The following ACYP2 variants were observed in gnomAD, a reference collection of about 807,000 sequenced individuals.
The protein encoded by ACYP2 is acylphosphatase 2.
A neutral mutation model predicts 11.2 loss-of-function variants in ACYP2; 12 were observed. The observed-to-expected ratio is 1.08, with a 90% CI of 0.69 to 1.74. ACYP2 has a LOEUF of 1.74. Ranked by LOEUF, ACYP2 falls within the 40% of genes most tolerant of loss-of-function variation. The pLI, the probability that ACYP2 is intolerant of heterozygous loss-of-function variation, is 0.00. For missense variants in ACYP2, 134 were observed against 101.9 expected, an observed-to-expected ratio of 1.31 and a Z score of -1.35; for synonymous variants, 43 against 32.2, an observed-to-expected ratio of 1.33 and a Z score of -1.13.
intron 6 of ACYP2, among the ~76,000 whole-genome samples, chr2:54,292,518 C>A (rs1056998802): frequency 4.6e-5 from 7 of 152,016 alleles, no homozygotes; most frequent in African/African-American, 1.4e-4. Flanking sequence ...ACTATTTTTA[C>A]TTCTTAAAAT....
intron 6 of ACYP2, among the ~76,000 whole-genome samples, chr2:54,275,602 A>T (rs1387109346): frequency 6.6e-6 from 1 of 152,156 alleles, no homozygotes; most frequent in African/African-American, 2.4e-5. Flanking sequence ...TCTCCTAGGG[A>T]TGTGCTTCCC....
chr2:54,200,821 G>T (rs1294477476), intron 6 of ACYP2, among the ~76,000 whole-genome samples: 1 of 152,130 alleles, frequency 6.6e-6, no homozygotes, highest in African/African-American at 2.4e-5. Flanking sequence ...ACTTTTTGAG[G>T]AACTGCCAGG....
intron 4 of ACYP2, among the ~76,000 whole-genome samples, chr2:54,095,884 T>TC (rs577222605): frequency 0.99 from 765 of 770 alleles, 381 homozygotes; most frequent in East Asian, 1. Flanking sequence ...GCCCCTCACC[T>TC]CCGGACGGGG....
chr2:54,020,813 A>G (rs142400305), intron 2 of ACYP2, among the ~76,000 whole-genome samples: 2 of 152,356 alleles, frequency 1.3e-5, no homozygotes, highest in East Asian at 3.9e-4. Flanking sequence ...AGTTTTTTGA[A>G]TAGCATCTAT....
chr2:54,039,047 G>A (rs1466002014), intron 2 of ACYP2, among the ~76,000 whole-genome samples: 1 of 151,954 alleles, frequency 6.6e-6, no homozygotes, highest in Non-Finnish European at 1.5e-5. Flanking sequence ...GTCCTGAGGT[G>A]TCTGGAATGT....
intron 6 of ACYP2, chr2:54,255,745 C>T (rs1170837879): frequency 3.7e-6 from 6 of 1,613,880 alleles, no homozygotes; most frequent in Non-Finnish European, 5.1e-6. Context: ...AGACTCCGAC[C>T]TCCCTGCCCC....
intron 6 of ACYP2, among the ~76,000 whole-genome samples, chr2:54,231,992 G>C (rs916457156): frequency 6.6e-6 from 1 of 152,168 alleles, no homozygotes; most frequent in South Asian, 2.1e-4. Flanking sequence ...TTTAGACTAT[G>C]TATTCTTTTG....
chr2:54,060,717 G>T (rs939315719), intron 4 of ACYP2, among the ~76,000 whole-genome samples: 5 of 152,180 alleles, frequency 3.3e-5, no homozygotes, highest in Non-Finnish European at 7.4e-5. Flanking sequence ...ATGAAATGCT[G>T]CTTTTTATGC....
intron 6 of ACYP2, among the ~76,000 whole-genome samples, chr2:54,192,512 G>A (rs535795187): frequency 9.2e-5 from 14 of 152,224 alleles, no homozygotes; most frequent in African/African-American, 3.4e-4. Flanking sequence ...AACATATCCA[G>A]TTTTATTGAT....
chr2:54,271,558 G>A (rs943172056), intron 6 of ACYP2, among the ~76,000 whole-genome samples: 3 of 151,856 alleles, frequency 2.0e-5, no homozygotes, highest in East Asian at 1.9e-4. Context: ...ATCAATCATC[G>A]GCACCCATTC....
chr2:54,138,407 A>G (rs1337946029), intron 5 of ACYP2, among the ~76,000 whole-genome samples: 1 of 152,218 alleles, frequency 6.6e-6, no homozygotes, highest in African/African-American at 2.4e-5. Flanking sequence ...AGTTTTTCAT[A>G]ATGTTTTTAT....
At chr2:54,001,550 A>G (rs1672803005) in intron 2 of ACYP2, among the ~76,000 whole-genome samples, 1 of 151,914 alleles carries the variant, frequency 6.6e-6, no homozygotes, top group Non-Finnish European at 1.5e-5. Flanking sequence ...CATGCCACCA[A>G]GCCCAGCTGA....
chr2:54,115,748 G>A (rs750508234), intron 4 of ACYP2: 52 of 1,612,688 alleles, frequency 3.2e-5, no homozygotes, highest in Non-Finnish European at 3.8e-5. Context: ...GTGTTCGGAA[G>A]AGTGCAGGGT....
At chr2:54,014,471 C>G (rs1673568446) in intron 2 of ACYP2, among the ~76,000 whole-genome samples, 1 of 152,010 alleles carries the variant, frequency 6.6e-6, no homozygotes, top group Non-Finnish European at 1.5e-5. Flanking sequence ...AGGTACCCAC[C>G]ACCAGGCCTG....
intron 6 of ACYP2, among the ~76,000 whole-genome samples, chr2:54,186,337 C>T (rs1396329276): frequency 6.6e-6 from 1 of 152,028 alleles, no homozygotes; most frequent in Non-Finnish European, 1.5e-5. Flanking sequence ...TCAGGCACTG[C>T]AGTTTGTATT....
chr2:53,987,484 C>A (rs1672093484), intron 2 of ACYP2, among the ~76,000 whole-genome samples: 1 of 152,052 alleles, frequency 6.6e-6, no homozygotes, highest in South Asian at 2.1e-4. Context: ...TTTAGTTTCT[C>A]TTGGATAAAT....
chr2:54,014,139 CAA>C (rs751718880), intron 2 of ACYP2, among the ~76,000 whole-genome samples: 13 of 149,758 alleles, frequency 8.7e-5, no homozygotes, highest in Admixed American at 1.3e-4. Flanking sequence ...GCCTGGCAGA[CAA>C]GAGCAAAAAA....
chr2:54,029,305 C>G (rs550747145), intron 2 of ACYP2, among the ~76,000 whole-genome samples: 1 of 152,256 alleles, frequency 6.6e-6, no homozygotes, highest in African/African-American at 2.4e-5. Context: ...AGGGTACATA[C>G]TACCAGCATA....
intron 6 of ACYP2, among the ~76,000 whole-genome samples, chr2:54,159,726 G>T (rs1682621203): frequency 6.6e-6 from 1 of 152,080 alleles, no homozygotes; most frequent in Non-Finnish European, 1.5e-5. Flanking sequence ...AAGCTCTGGG[G>T]CAGCACAGTG....
Sources: allele counts gnomAD v4.1 joint callset (sites outside exome capture counted in the v4.1 genomes callset), GRCh38; gene constraint gnomAD v4.1.1; transcripts MANE v1.5; gene names NCBI Gene and HGNC (gene_info 2026-07-23, HGNC 2026-07-21).